The following TMEM150A variants were observed in gnomAD, a reference collection of about 807,000 sequenced individuals.
TMEM150A encodes fasting-inducible integral membrane protein TM6P1.
TMEM150A carries 18 observed loss-of-function variants against 29.8 expected under a neutral mutation model. That is an observed-to-expected ratio of 0.60 (90% CI 0.42 to 0.90). The LOEUF (loss-of-function observed/expected upper bound fraction) is 0.90, where lower values mean the gene tolerates loss of function less well. Among genes scored for constraint, TMEM150A ranks in the 40% least tolerant of loss-of-function variants. TMEM150A has a pLI of 0.00. For synonymous variants in TMEM150A, 127 were observed against 143.6 expected, an observed-to-expected ratio of 0.88 and a Z score of 0.83; for missense variants, 251 against 349.7, an observed-to-expected ratio of 0.72 and a Z score of 2.25.
In TMEM150A at chr2:85,600,030, G is replaced by C; in HGVS notation, c.269-12C>G. The C allele has an allele frequency of 3.1e-6, 5 of 1,611,028 alleles. No homozygotes were observed. The highest frequency in any genetic ancestry group is 4.2e-6 in the Non-Finnish European group (5 of 1,179,898). ...GCAGATCAGGGCCACTGGGGGAGGA[G>C]AGCACAGTTGAGGCCTTCCTCCAGC... On this transcript the variant is annotated splice_polypyrimidine_tract_variant and intron_variant, in intron 5 of 7. Coordinates refer to ENST00000334462, the MANE Select transcript of TMEM150A (RefSeq NM_001031738.3).
Position 85,602,134 on chromosome 2 carries a change from C to G in TMEM150A, c.-116-70G>C. The G allele has an allele frequency of 1.7e-6, 1 of 573,850 alleles. No individual in the cohort carries two copies. Among genetic ancestry groups the G allele is most frequent in the South Asian group, 2.0e-5 (1 of 50,814 alleles). The allele number at this position is 573,850 out of a possible 1,614,324, so 35.5% of individuals were successfully genotyped here. A position where few individuals can be genotyped will look rare whatever the true frequency, so the allele number is the denominator to read the frequency against. ...AAGGGGGAGGGGAAGGGGGTCAACA[C>G]CTTATCCAGCGCTCCCGTTGGGTCT... On this transcript the variant is annotated intron_variant, in intron 1 of 7. Coordinates refer to ENST00000334462, the MANE Select transcript of TMEM150A (RefSeq NM_001031738.3). This position sits in a 1 kb window ranked among gnomAD's most constrained non-coding sequence, Gnocchi z 5.6.
Position 85,601,584 on chromosome 2 carries a change from A to T in TMEM150A, c.66-102T>A. On this transcript the variant is annotated intron_variant, in intron 2 of 7. Coordinates refer to ENST00000334462, the MANE Select transcript of TMEM150A (RefSeq NM_001031738.3). This position sits in a 1 kb window ranked among gnomAD's most constrained non-coding sequence, Gnocchi z 4.0. ...TTGATTTCTGGCCCCATTCAGCCTC[A>T]TTATTGTTGCTGGGGACTCAAGTTG... 1 of 1,387,688 alleles carries T rather than the reference A, an allele frequency of 7.2e-7. No individual in the cohort carries two copies. The highest frequency in any genetic ancestry group is 9.9e-7 in the Non-Finnish European group (1 of 1,008,856). The allele number at this position is 1,387,688 out of a possible 1,614,324, so 86.0% of individuals were successfully genotyped here.
intron 4 of TMEM150A, chr2:85,600,642 C>A (rs1558831174): frequency 1.7e-6 from 1 of 575,486 alleles, no homozygotes; most frequent in Admixed American, 3.0e-5. Context: ...TTCGGGCAAC[C>A]CTGACACTCT....
At chr2:85,600,851 A>G (rs1672894435) in intron 4 of TMEM150A, 170 bp downstream of exon 4, 1 of 611,340 alleles carries the variant, frequency 1.6e-6, no homozygotes, top group Non-Finnish European at 2.9e-6. Flanking sequence ...GAGACAATGC[A>G]TATAAAGCAC....
chr2:85,600,950 C>CA, intron 4 of TMEM150A, 71 bp downstream of exon 4: 1 of 1,436,152 alleles, frequency 7.0e-7, no homozygotes, highest in Admixed American at 2.0e-5. Context: ...GACCCAAGGA[C>CA]AGCTCTTTGC....
chr2:85,601,434 C>A lies in TMEM150A; in HGVS notation c.113+1G>T. On this transcript the variant is annotated splice_donor_variant, in intron 3 of 7. Transcript: ENST00000334462. LOFTEE classifies it high-confidence loss of function. The surrounding 1 kb of genome is among the most constrained non-coding windows in gnomAD (Gnocchi z 4.0). Reference sequence around the variant, plus strand: ...AAGGTTGTCTGCAGAGTCCTTCATACCAGTTCTCCACAGGGCATACATGGT... The same window carrying A: ...AAGGTTGTCTGCAGAGTCCTTCATAACAGTTCTCCACAGGGCATACATGGT... The A allele has an allele frequency of 6.2e-7, 1 of 1,613,740 alleles. No homozygotes were observed. Among genetic ancestry groups the A allele is most frequent in the South Asian group, 1.1e-5 (1 of 91,060 alleles).
chr2:85,600,375 T>C lies in TMEM150A; in HGVS notation c.238A>G (p.Ser80Gly), dbSNP rs1451835598. The change falls in exon 5 of 8, where the codon AGC becomes GGC. Residue 80 changes from serine to glycine, a missense_variant. Coordinates refer to ENST00000334462, the MANE Select transcript of TMEM150A (RefSeq NM_001031738.3). ...AAAGCACCCATGTTGCCAATGAGGCTGAAGAGGCAGCTTTCTGGGGGATAG... is the reference window on the plus strand; with the variant it reads ...AAAGCACCCATGTTGCCAATGAGGCCGAAGAGGCAGCTTTCTGGGGGATAG... ...GSYPPESCLF[S>G]LIGNMGAFMV... The C allele has an allele frequency of 6.2e-7, 1 of 1,613,924 alleles. No homozygotes were observed. Among genetic ancestry groups the C allele is most frequent in the Non-Finnish European group, 8.5e-7 (1 of 1,179,978 alleles).
Position 85,602,493 on chromosome 2 carries a change from G to A in TMEM150A, c.-117+114C>T, listed in dbSNP as rs1397187170. On this transcript the variant is annotated intron_variant, in intron 1 of 7. Coordinates refer to ENST00000334462, the MANE Select transcript of TMEM150A (RefSeq NM_001031738.3). The surrounding 1 kb of genome is among the most constrained non-coding windows in gnomAD (Gnocchi z 5.6). The stretch of plus-strand genomic sequence containing the variant: ...GCCCGGCCCCCGCTCGCCTGGGCGC[G>A]GGGACCCCGGCTGGGGCCGGACCCT... 1 of 151,924 alleles carries A rather than the reference G, an allele frequency of 6.6e-6. No homozygotes were observed. The highest frequency in any genetic ancestry group is 2.1e-4 in the South Asian group (1 of 4,828). 9.4% of individuals were successfully genotyped at this position (151,924 alleles called of 1,614,324 possible).
chr2:85,601,572 C>T lies in TMEM150A; in HGVS notation c.66-90G>A. On this transcript the variant is annotated intron_variant, in intron 2 of 7. Coordinates refer to ENST00000334462, the MANE Select transcript of TMEM150A (RefSeq NM_001031738.3). This position sits in a 1 kb window ranked among gnomAD's most constrained non-coding sequence, Gnocchi z 4.0. ...TTCTCTTCAACCTTGATTTCTGGCCCCATTCAGCCTCATTATTGTTGCTGG... is the reference window on the plus strand; with the variant it reads ...TTCTCTTCAACCTTGATTTCTGGCCTCATTCAGCCTCATTATTGTTGCTGG... The T allele has an allele frequency of 6.9e-7, 1 of 1,458,002 alleles. No individual in the cohort carries two copies. The highest frequency in any genetic ancestry group is 9.4e-7 in the Non-Finnish European group (1 of 1,064,490). The allele number at this position is 1,458,002 out of a possible 1,614,324, so 90.3% of individuals were successfully genotyped here.
Position 85,599,975 on chromosome 2 carries a change from C to A in TMEM150A, c.312G>T (p.Gln104His). Reference protein sequence around the residue: ...CLLRYGQLLEQSRHSWVNTTA... With the variant: ...CLLRYGQLLEHSRHSWVNTTA... Reference sequence around the variant, plus strand: ...TGGTGTTAACCCAAGAGTGCCGACTCTGCTCCAGGAGCTGCCCGTAGCGCA... The same window carrying A: ...TGGTGTTAACCCAAGAGTGCCGACTATGCTCCAGGAGCTGCCCGTAGCGCA... The change falls in exon 6 of 8, where the codon CAG (glutamine) becomes CAT (histidine). Residue 104 changes from glutamine (Q) to histidine (H), a missense_variant. Gln to His is a conservative substitution (Grantham distance 24, BLOSUM62 0). Transcript: ENST00000334462. This position sits in a 1 kb window ranked among gnomAD's most constrained non-coding sequence, Gnocchi z 6.0. 1 of 1,613,358 alleles carries A rather than the reference C, an allele frequency of 6.2e-7. No individual in the cohort carries two copies. The highest frequency in any genetic ancestry group is 8.5e-7 in the Non-Finnish European group (1 of 1,180,030).
chr2:85,602,022 G>A lies in TMEM150A; in HGVS notation c.-74C>T. 2 of 1,305,310 alleles carry A rather than the reference G, an allele frequency of 1.5e-6. No homozygotes were observed. The highest frequency in any genetic ancestry group is 2.2e-6 in the Non-Finnish European group (2 of 901,248). 80.9% of individuals were successfully genotyped at this position (1,305,310 alleles called of 1,614,324 possible). ...TAGATGGGGAAGTGGGGGCGGACCA[G>A]CTACCTTGAGATGTTTCTGCCACAA... On this transcript the variant is annotated 5_prime_UTR_variant, in exon 2 of 8. Transcript: ENST00000334462. The surrounding 1 kb of genome is among the most constrained non-coding windows in gnomAD (Gnocchi z 5.6).
At position 85,600,371 on chromosome 2, in the gene TMEM150A, AG is replaced by A; in HGVS notation, c.241del (p.Leu81SerfsTer12). On this transcript the variant is annotated frameshift_variant, in exon 5 of 8. Transcript: ENST00000334462. LOFTEE classifies it high-confidence loss of function. ...CATGAAAGCACCCATGTTGCCAATGAGGCTGAAGAGGCAGCTTTCTGGGGGA... is the reference window on the plus strand; with the variant it reads ...CATGAAAGCACCCATGTTGCCAATGAGCTGAAGAGGCAGCTTTCTGGGGGA... ...SYPPESCLFS[L>X]IGNMGAFMVA... The A allele has an allele frequency of 6.2e-7, 1 of 1,613,984 alleles. No homozygotes were observed. The highest frequency in any genetic ancestry group is 8.5e-7 in the Non-Finnish European group (1 of 1,179,978).
chr2:85,598,692 T>C lies in TMEM150A; in HGVS notation c.*384A>G, dbSNP rs1022327792. On this transcript the variant is annotated 3_prime_UTR_variant, in exon 8 of 8. Transcript: ENST00000334462. ...CCCAGAAATGGGCCTTTCCGTAGGC[T>C]AAGGCGTGCCCACTCCACCTCCACC... is the stretch of plus-strand genomic sequence containing the variant. 1.8e-5 allele frequency: 4 copies of C among 227,564 alleles called. No homozygotes were observed. The highest frequency in any genetic ancestry group is 6.7e-5 in the African/African-American group (3 of 45,104). The allele number at this position is 227,564 out of a possible 1,614,324, so 14.1% of individuals were successfully genotyped here. A position where few individuals can be genotyped will look rare whatever the true frequency, so the allele number is the denominator to read the frequency against.
chr2:85,600,825 C>T, intron 4 of TMEM150A, 196 bp downstream of exon 4: 1 of 587,454 alleles, frequency 1.7e-6, no homozygotes, highest in South Asian at 2.1e-5. Context: ...CTGCCTCACT[C>T]CTGGGAGGAT....
chr2:85,600,261 G>T, intron 5 of TMEM150A, 84 bp downstream of exon 5: 1 of 1,515,504 alleles, frequency 6.6e-7, no homozygotes, highest in Admixed American at 1.7e-5. Flanking sequence ...GGTGGGGAGG[G>T]CTGCACAGAA....
chr2:85,601,169 G>C lies in TMEM150A; in HGVS notation c.114-62C>G. 2 of 1,528,194 alleles carry C rather than the reference G, an allele frequency of 1.3e-6. No individual in the cohort carries two copies. The highest frequency in any genetic ancestry group is 1.8e-6 in the Non-Finnish European group (2 of 1,113,630). The allele number at this position is 1,528,194 out of a possible 1,614,324, so 94.7% of individuals were successfully genotyped here. ...ACTGCCCCCAGGCCCTTGGCCTATA[G>C]CCTCAGGCCTCAAAGAGGACTCTCT... On this transcript the variant is annotated intron_variant, in intron 3 of 7. Coordinates refer to ENST00000334462, the MANE Select transcript of TMEM150A (RefSeq NM_001031738.3). This position sits in a 1 kb window ranked among gnomAD's most constrained non-coding sequence, Gnocchi z 4.0.
In TMEM150A at chr2:85,599,784, T is replaced by C. The variant is rs577981060; in HGVS notation, c.397-82A>G. ...TCCTTCAATGAATCTCCTCTCTCCC[T>C]CTTCCTTCCTCTCCCTCTTTCCAGC... is the stretch of plus-strand genomic sequence containing the variant. On this transcript the variant is annotated intron_variant, in intron 6 of 7. Coordinates refer to ENST00000334462, the MANE Select transcript of TMEM150A (RefSeq NM_001031738.3). This position sits in a 1 kb window ranked among gnomAD's most constrained non-coding sequence, Gnocchi z 6.0. 4.6e-4 allele frequency: 741 copies of C among 1,597,900 alleles called. No individual in the cohort carries two copies. Among genetic ancestry groups the C allele is most frequent in the Non-Finnish European group, 5.8e-4 (684 of 1,171,016 alleles).
At position 85,601,195 on chromosome 2, in the gene TMEM150A, C is replaced by T. The variant is rs1399883011; in HGVS notation, c.114-88G>A. On this transcript the variant is annotated intron_variant, in intron 3 of 7. Coordinates refer to ENST00000334462, the MANE Select transcript of TMEM150A (RefSeq NM_001031738.3). The surrounding 1 kb of genome is among the most constrained non-coding windows in gnomAD (Gnocchi z 4.0). ...CCTCAGGCCTCAAAGAGGACTCTCT[C>T]CCAGACCTCCCCTACAGGGACAGAA... is the stretch of plus-strand genomic sequence containing the variant. 6 of 1,370,026 alleles carry T rather than the reference C, an allele frequency of 4.4e-6. No individual in the cohort carries two copies. The highest frequency in any genetic ancestry group is 1.4e-5 in the African/African-American group (1 of 69,526). The allele number at this position is 1,370,026 out of a possible 1,614,324, so 84.9% of individuals were successfully genotyped here.
Position 85,601,862 on chromosome 2 carries a change from C to A in TMEM150A, c.65+22G>T. 6.2e-7 allele frequency: 1 copy of A among 1,613,236 alleles called. No homozygotes were observed. The highest frequency in any genetic ancestry group is 8.5e-7 in the Non-Finnish European group (1 of 1,179,374). ...TGCGTCATCAAGCTCCTGTTGCCCC[C>A]CGGGCACCCCCCTTTACTCACACAG... On this transcript the variant is annotated intron_variant, in intron 2 of 7. Transcript: ENST00000334462. This position sits in a 1 kb window ranked among gnomAD's most constrained non-coding sequence, Gnocchi z 4.0.
Sources: allele counts gnomAD v4.1 joint callset, GRCh38; gene constraint gnomAD v4.1.1; non-coding constraint Gnocchi (gnomAD v3.1); transcripts MANE v1.5; gene names NCBI Gene and HGNC (gene_info 2026-07-23, HGNC 2026-07-21).